Variants in PCDHGA5 observed in about 807,000 individuals in gnomAD.
PCDHGA5 encodes the protein protocadherin gamma subfamily A, 5, also known as protocadherin gamma-A5.
A neutral mutation model predicts 56.7 loss-of-function variants in PCDHGA5; 36 were observed. That is an observed-to-expected ratio of 0.64 (90% confidence interval 0.49 to 0.84). The LOEUF (loss-of-function observed/expected upper bound fraction) is 0.84, where lower values mean the gene tolerates loss of function less well. PCDHGA5 is among the 40% of genes least tolerant of loss of function. PCDHGA5 has a pLI of 0.00. For missense variants in PCDHGA5, 1,305 were observed against 1,201.5 expected (o/e 1.09, Z -1.27); for synonymous variants, 563 against 520.2 (o/e 1.08, Z -1.12).
At chr5:141,452,897 T>C (rs1447851469) in intron 1 of PCDHGA5, among the ~76,000 whole-genome samples, 1 of 152,230 alleles carries the variant, frequency 6.6e-6, no homozygotes, top group Non-Finnish European at 1.5e-5. Flanking sequence ...CCACTTTTAT[T>C]AGTTGGCATT....
At chr5:141,458,774 A>G (rs2154566349) in intron 1 of PCDHGA5, among the ~76,000 whole-genome samples, 1 of 151,812 alleles carries the variant, frequency 6.6e-6, no homozygotes, top group Admixed American at 6.6e-5. Flanking sequence ...GCTGTGTCAC[A>G]CAGGCTGGAG....
intron 1 of PCDHGA5, chr5:141,384,552 C>T (rs752995629): frequency 3.7e-6 from 6 of 1,614,148 alleles, no homozygotes; most frequent in Admixed American, 3.3e-5. Flanking sequence ...TGAGCCTGTT[C>T]GTGCTGGACC....
intron 1 of PCDHGA5, chr5:141,370,525 G>T: frequency 1.2e-6 from 2 of 1,613,874 alleles, no homozygotes; most frequent in Non-Finnish European, 1.7e-6. Flanking sequence ...CTGGACAGGG[G>T]CTCGCTGGTA....
At chr5:141,418,403 G>T in intron 1 of PCDHGA5, 1 of 1,614,000 alleles carries the variant, frequency 6.2e-7, no homozygotes. Context: ...CTCATTGGTG[G>T]AGAAAGACAA....
At chr5:141,397,254 A>G (rs961705126) in intron 1 of PCDHGA5, among the ~76,000 whole-genome samples, 12 of 152,184 alleles carry the variant, frequency 7.9e-5, no homozygotes, top group Non-Finnish European at 1.3e-4. Flanking sequence ...AGGGTATATC[A>G]TTTCTTAGCT....
intron 1 of PCDHGA5, among the ~76,000 whole-genome samples, chr5:141,461,248 C>A (rs1209563726): frequency 6.6e-6 from 1 of 152,038 alleles, no homozygotes; most frequent in Non-Finnish European, 1.5e-5. Context: ...AATTTATATT[C>A]CCAGCAGCAA....
rs748017565 is a variant in PCDHGA5 at position 141,477,404 on chromosome 5, C to G, written c.2422-17403C>G. ...AGAATACAACCTCAGCATCACCGCCCGAGACGCCGGAACCCCTTCCCTCTC... is the reference window on the plus strand; with the variant it reads ...AGAATACAACCTCAGCATCACCGCCGGAGACGCCGGAACCCCTTCCCTCTC... On this transcript the variant is annotated intron_variant, in intron 1 of 3. Coordinates refer to ENST00000518069, the MANE Select transcript of PCDHGA5 (RefSeq NM_018918.3). The surrounding 1 kb of genome is among the most constrained non-coding windows in gnomAD (Gnocchi z 4.9). The G allele has an allele frequency of 1.9e-6, 3 of 1,614,042 alleles. No homozygotes were observed. Among genetic ancestry groups the G allele is most frequent in the African/African-American group, 1.3e-5 (1 of 74,902 alleles).
chr5:141,383,226 G>A (rs771882574), intron 1 of PCDHGA5: 1 of 1,613,936 alleles, frequency 6.2e-7, no homozygotes, highest in Non-Finnish European at 8.5e-7. Flanking sequence ...TTAACATCCT[G>A]ATGGAAGATA....
intron 1 of PCDHGA5, chr5:141,400,388 A>C: frequency 1.9e-6 from 3 of 1,614,066 alleles, no homozygotes; most frequent in Non-Finnish European, 2.5e-6. Context: ...TGTGTTGCAC[A>C]TACAGGAAAG....
Position 141,365,829 on chromosome 5 carries a change from C to G in PCDHGA5, c.1499C>G (p.Pro500Arg), listed in dbSNP as rs776903918. ...GCTGAAGACACATTTCAGGGGGCGC[C>G]CTTGTCCTCCTATGTATCCATTAAC... ...SLAEDTFQGA[P>R]LSSYVSINSD... The change falls in exon 1 of 4, where the codon CCC becomes CGC. Residue 500 changes from proline to arginine, a missense_variant. By Grantham distance (103) the Pro-to-Arg change is moderately radical. Coordinates refer to ENST00000518069, the MANE Select transcript of PCDHGA5 (RefSeq NM_018918.3). 3 of 1,613,964 alleles carry G rather than the reference C, an allele frequency of 1.9e-6. No individual in the cohort carries two copies. The South Asian group carries it at 3.3e-5, about 18-fold the overall frequency.
rs753702657 is a variant in PCDHGA5 at position 141,415,195 on chromosome 5, C to G, written c.2421+48444C>G. ...CGTGGCCGTGGCCGACAGCATCCCC[C>G]AAGTCCTGGCGGACCTCGGCAGCTT... On this transcript the variant is annotated intron_variant, in intron 1 of 3. Transcript: ENST00000518069. 5 of 1,614,058 alleles carry G rather than the reference C, an allele frequency of 3.1e-6. No individual in the cohort carries two copies. The highest frequency in any genetic ancestry group is 1.1e-5 in the South Asian group (1 of 91,090).
At position 141,366,418 on chromosome 5, in the gene PCDHGA5, A is replaced by G. The variant is rs371439517; in HGVS notation, c.2088A>G (p.Ala696=). Residue 696 remains alanine (A), a synonymous_variant, in exon 1 of 4, where the codon GCA becomes GCG. Transcript: ENST00000518069. The part of the protein sequence containing the change: ...DLDLTLYLVV[A]VAAVSCVFLA... ...ACCTCACACTCTATCTTGTGGTGGC[A>G]GTGGCTGCAGTCTCCTGCGTCTTCC... 439 of 1,613,988 alleles carry G rather than the reference A, an allele frequency of 2.7e-4. No homozygotes were observed. The highest frequency in any genetic ancestry group is 7.4e-4 in the East Asian group (33 of 44,896).
At position 141,399,297 on chromosome 5, in the gene PCDHGA5, T is replaced by G. The variant is rs370898446; in HGVS notation, c.2421+32546T>G. On this transcript the variant is annotated intron_variant, in intron 1 of 3. Transcript: ENST00000518069. The stretch of plus-strand genomic sequence containing the variant: ...TACAAGGCGAAGTCCCTTTTAAGAT[T>G]ATCTCTTCATCCAAAAATTCGTATA... 14 of 1,613,948 alleles carry G rather than the reference T, an allele frequency of 8.7e-6. No individual in the cohort carries two copies. The East Asian group carries it at 2.9e-4, about 33-fold the overall frequency.
At chr5:141,367,962 C>T (rs766516338) in intron 1 of PCDHGA5, among the ~76,000 whole-genome samples, 3 of 152,076 alleles carry the variant, frequency 2.0e-5, no homozygotes, top group Admixed American at 1.3e-4. Context: ...TCATATCTAA[C>T]GTATGTGCTC....
chr5:141,371,174 C>T (rs777820402), intron 1 of PCDHGA5: 1 of 1,613,994 alleles, frequency 6.2e-7, no homozygotes, highest in Middle Eastern at 1.6e-4. Flanking sequence ...CTGGCTCCTC[C>T]GTATTAAAAG....
intron 1 of PCDHGA5, among the ~76,000 whole-genome samples, chr5:141,469,186 G>T (rs536021769): frequency 6.6e-6 from 1 of 151,978 alleles, no homozygotes; most frequent in Admixed American, 6.6e-5. Flanking sequence ...TGAGGCAAGA[G>T]GATTGCTTGA....
rs2096153349 is a variant in PCDHGA5 at position 141,417,731 on chromosome 5, C to G, written c.2421+50980C>G. 2.2e-6 allele frequency: 3 copies of G among 1,378,810 alleles called. No homozygotes were observed. In the East Asian group the frequency reaches 7.6e-5, roughly 35 times the overall value. 85.4% of individuals were successfully genotyped at this position (1,378,810 alleles called of 1,614,324 possible). A position where few individuals can be genotyped will look rare whatever the true frequency, so the allele number is the denominator to read the frequency against. On this transcript the variant is annotated intron_variant, in intron 1 of 3. Coordinates refer to ENST00000518069, the MANE Select transcript of PCDHGA5 (RefSeq NM_018918.3). ...AGGCTCCCGGCTGCGCAGACCTTGC[C>G]CAGCACACCAGATTGCCAGCTCCGA...
intron 1 of PCDHGA5, chr5:141,414,597 C>G: frequency 6.2e-7 from 1 of 1,613,972 alleles, no homozygotes; most frequent in South Asian, 1.1e-5. Context: ...GGGGTGCCTC[C>G]ATCTTCTCAG....
chr5:141,438,579 CATACATACATACATATAT>C (rs1303045573), intron 1 of PCDHGA5, among the ~76,000 whole-genome samples: 21 of 55,772 alleles, frequency 3.8e-4, no homozygotes, highest in Admixed American at 1.1e-3. Context: ...GATATACATA[CATACATACATACATATAT>C]ATATATATAT....
Sources: allele counts gnomAD v4.1 joint callset (sites outside exome capture counted in the v4.1 genomes callset), GRCh38; gene constraint gnomAD v4.1.1; non-coding constraint Gnocchi (gnomAD v3.1); transcripts MANE v1.5; gene names NCBI Gene and HGNC (gene_info 2026-07-23, HGNC 2026-07-21).